Variants in MYO1E observed in about 807,000 individuals in gnomAD.
MYO1E encodes myosin IE.
A neutral mutation model predicts 151.1 loss-of-function variants in MYO1E; 68 were observed. The ratio of observed to expected loss-of-function variants is 0.45; its 90% CI spans 0.37 to 0.55. The LOEUF is 0.55. MYO1E is among the 20% of genes least tolerant of loss of function. MYO1E has a pLI of 0.00. For missense variants in MYO1E, 1,363 were observed against 1,389.3 expected, an observed-to-expected ratio of 0.98 and a Z score of 0.30; for synonymous variants, 601 against 501.7, an observed-to-expected ratio of 1.20 and a Z score of -2.64.
chr15:59,225,167 G>A (rs1345275283), intron 7 of MYO1E, among the ~76,000 whole-genome samples: 2 of 152,108 alleles, frequency 1.3e-5, no homozygotes, highest in South Asian at 2.1e-4. Flanking sequence ...GTTTCTCACT[G>A]CAGGGTGCAT....
intron 19 of MYO1E, 138 bp downstream of exon 19, chr15:59,178,255 G>T: frequency 9.3e-7 from 1 of 1,073,574 alleles, no homozygotes; most frequent in Non-Finnish European, 1.3e-6. Context: ...GACCAGGAAG[G>T]GAGGGAAGGC....
intron 1 of MYO1E, among the ~76,000 whole-genome samples, chr15:59,276,401 C>G (rs2080319234): frequency 6.6e-6 from 1 of 152,176 alleles, no homozygotes; most frequent in Non-Finnish European, 1.5e-5. Context: ...GTGAGCGCAG[C>G]ACACTGTACA....
At chr15:59,275,037 G>A (rs1596395805) in intron 1 of MYO1E, among the ~76,000 whole-genome samples, 1 of 152,188 alleles carries the variant, frequency 6.6e-6, no homozygotes, top group South Asian at 2.1e-4. Flanking sequence ...TCCTAGGAGA[G>A]AGGGGTTAAC....
chr15:59,281,176 A>G (rs2080351042), intron 1 of MYO1E, among the ~76,000 whole-genome samples: 1 of 152,216 alleles, frequency 6.6e-6, no homozygotes, highest in African/African-American at 2.4e-5. Context: ...CACCATTTGA[A>G]GCAGAAAGGT....
intron 1 of MYO1E, among the ~76,000 whole-genome samples, chr15:59,362,223 T>G (rs2080889862): frequency 6.6e-6 from 1 of 152,220 alleles, no homozygotes; most frequent in African/African-American, 2.4e-5. Context: ...CAGTCTTATT[T>G]TGTGTTTTTG....
intron 1 of MYO1E, among the ~76,000 whole-genome samples, chr15:59,327,834 AG>A (rs2080674691): frequency 6.6e-6 from 1 of 152,220 alleles, no homozygotes; most frequent in Admixed American, 6.5e-5. Flanking sequence ...TTGTACATGA[AG>A]GGGCTGAGGG....
At chr15:59,169,354 C>T (rs566040588) in intron 22 of MYO1E, among the ~76,000 whole-genome samples, 4 of 152,310 alleles carry the variant, frequency 2.6e-5, no homozygotes, top group Admixed American at 6.5e-5. Flanking sequence ...AGAACACACA[C>T]GCATGTTCAG....
At chr15:59,211,602 C>T (rs1208890912) in intron 12 of MYO1E, among the ~76,000 whole-genome samples, 1 of 152,110 alleles carries the variant, frequency 6.6e-6, no homozygotes, top group African/African-American at 2.4e-5. Context: ...GTATGATAGG[C>T]CTCTCCCACT....
intron 18 of MYO1E, among the ~76,000 whole-genome samples, chr15:59,179,185 C>T (rs998889876): frequency 2.0e-5 from 3 of 152,196 alleles, no homozygotes; most frequent in Non-Finnish European, 4.4e-5. Context: ...GCTCCCCAAA[C>T]TCATCACTCG....
intron 1 of MYO1E, among the ~76,000 whole-genome samples, chr15:59,293,963 G>C (rs769175453): frequency 1.3e-5 from 2 of 152,088 alleles, no homozygotes; most frequent in African/African-American, 2.4e-5. Flanking sequence ...AAATGCTTGA[G>C]CCTGAGAAGT....
intron 4 of MYO1E, among the ~76,000 whole-genome samples, chr15:59,255,434 A>T (rs1427205721): frequency 6.6e-6 from 1 of 151,966 alleles, no homozygotes; most frequent in East Asian, 1.9e-4. Context: ...TCACTCTGTC[A>T]CTCAGGCTGG....
chr15:59,353,877 C>T lies in MYO1E; in HGVS notation c.3+18621G>A, dbSNP rs370023377. ...TTGTCCTGTTAAATATCACCATTCCCTTGTACACATTAATCTTTTAACTCC... is the reference window on the plus strand; with the variant it reads ...TTGTCCTGTTAAATATCACCATTCCTTTGTACACATTAATCTTTTAACTCC... On this transcript the variant is annotated intron_variant, in intron 1 of 27. Coordinates refer to ENST00000288235, the MANE Select transcript of MYO1E (RefSeq NM_004998.4). 3.9e-5 allele frequency among the ~76,000 whole-genome samples: 6 copies of T among 152,162 alleles called. No individual in the cohort carries two copies. The East Asian group carries it at 9.6e-4, about 24-fold the overall frequency.
intron 13 of MYO1E, among the ~76,000 whole-genome samples, 164 bp downstream of exon 13, chr15:59,210,350 C>G (rs548456566): frequency 6.6e-6 from 1 of 151,944 alleles, no homozygotes; most frequent in Non-Finnish European, 1.5e-5. Flanking sequence ...AGAATAAAGC[C>G]GTACTGTTCT....
chr15:59,300,866 CTTTTTTTTT>C (rs58955743), intron 1 of MYO1E, among the ~76,000 whole-genome samples: 9 of 127,122 alleles, frequency 7.1e-5, no homozygotes, highest in East Asian at 2.2e-4. Context: ...CCTTTTTTTT[CTTTTTTTTT>C]TTTTTTTTTT....
At chr15:59,319,859 G>A (rs2080614931) in intron 1 of MYO1E, among the ~76,000 whole-genome samples, 1 of 152,042 alleles carries the variant, frequency 6.6e-6, no homozygotes, top group Non-Finnish European at 1.5e-5. Flanking sequence ...CCGAGACCAT[G>A]CCATTGCACT....
At chr15:59,327,197 C>A (rs972787012) in intron 1 of MYO1E, among the ~76,000 whole-genome samples, 14 of 152,288 alleles carry the variant, frequency 9.2e-5, no homozygotes, top group Middle Eastern at 3.4e-3. Flanking sequence ...TTGTGTGGAC[C>A]CAAGACTTTG....
At chr15:59,237,519 T>C (rs1351535821) in intron 4 of MYO1E, among the ~76,000 whole-genome samples, 1 of 152,254 alleles carries the variant, frequency 6.6e-6, no homozygotes, top group Non-Finnish European at 1.5e-5. Context: ...AGATTTTTCA[T>C]CTTTCTATTG....
chr15:59,260,518 A>G (rs538977393), intron 3 of MYO1E, among the ~76,000 whole-genome samples: 10 of 152,186 alleles, frequency 6.6e-5, no homozygotes, highest in Non-Finnish European at 1.0e-4. Context: ...CTGCAGTGGG[A>G]AGGAAAAGGA....
intron 4 of MYO1E, among the ~76,000 whole-genome samples, chr15:59,239,754 G>A (rs1268278317): frequency 6.6e-6 from 1 of 152,042 alleles, no homozygotes; most frequent in Non-Finnish European, 1.5e-5. Flanking sequence ...AACATTGATC[G>A]GAATTTTCAT....
Sources: allele counts gnomAD v4.1 joint callset (sites outside exome capture counted in the v4.1 genomes callset), GRCh38; gene constraint gnomAD v4.1.1; transcripts MANE v1.5; gene names NCBI Gene and HGNC (gene_info 2026-07-23, HGNC 2026-07-21).